The following EPM2A variants were observed in gnomAD, a reference collection of about 807,000 sequenced individuals.
EPM2A encodes laforin.
In EPM2A, 21 loss-of-function variants were observed where a neutral mutation model predicts 26.5. That is an observed-to-expected ratio of 0.79 (90% CI 0.56 to 1.14). The LOEUF (loss-of-function observed/expected upper bound fraction) is 1.14, where lower values mean the gene tolerates loss of function less well. Among genes scored for constraint, EPM2A ranks in the 50% most tolerant of loss-of-function variants. The pLI is 0.00. For missense variants in EPM2A, 458 were observed against 440.8 expected (o/e 1.04, Z -0.35); for synonymous variants, 217 against 177.6 (o/e 1.22, Z -1.76).
intron 2 of EPM2A, among the ~76,000 whole-genome samples, chr6:145,536,252 T>TGTTTTAGTTTTA (rs1370224517): frequency 3.3e-5 from 2 of 59,942 alleles, no homozygotes; most frequent in African/African-American, 1.0e-4. Flanking sequence ...GTTGGTTTTT[T>TGTTTTAGTTTTA]GTTTTTGTTT....
chr6:145,390,677 C>A (rs571668907), intron 4 of EPM2A, among the ~76,000 whole-genome samples: 1 of 152,146 alleles, frequency 6.6e-6, no homozygotes, highest in African/African-American at 2.4e-5. Context: ...CTCTATTGCT[C>A]TCTTGGCTTT....
At position 145,533,100 on chromosome 6, in the gene EPM2A, C is replaced by T. The variant is rs933048792; in HGVS notation, c.341-30525G>A. Among the ~76,000 whole-genome samples the T allele has an allele frequency of 7.2e-5, 11 of 152,206 alleles. No homozygotes were observed. In the South Asian group the frequency reaches 1.5e-3, roughly 20 times the overall value. ...CACAATTAACGATTTTTGCAAACCT[C>T]CCCCAACAAAACAAAACACAACAAA... On this transcript the variant is annotated intron_variant, in intron 2 of 3. Transcript: ENST00000450221.
chr6:145,712,288 T>G (rs1775377426), intron 1 of EPM2A, among the ~76,000 whole-genome samples: 1 of 152,082 alleles, frequency 6.6e-6, no homozygotes. Flanking sequence ...GCAGAAACAA[T>G]AGCTGGGTCA....
chr6:145,425,660 T>C (rs1441206039), intron 4 of EPM2A, among the ~76,000 whole-genome samples: 1 of 150,448 alleles, frequency 6.6e-6, no homozygotes, highest in East Asian at 2.0e-4. Flanking sequence ...AAAAACTATA[T>C]AAATCAAATA....
intron 2 of EPM2A, among the ~76,000 whole-genome samples, chr6:145,567,072 TCTC>T (rs1780893712): frequency 1.3e-5 from 2 of 152,086 alleles, no homozygotes; most frequent in Non-Finnish European, 2.9e-5. Flanking sequence ...TCCTATTGAG[TCTC>T]CCCAAAATCT....
intron 2 of EPM2A, among the ~76,000 whole-genome samples, chr6:145,588,678 G>A (rs925179642): frequency 6.6e-6 from 1 of 151,998 alleles, no homozygotes; most frequent in African/African-American, 2.4e-5. Flanking sequence ...AACTATTTTT[G>A]AGCACTTACT....
At chr6:145,433,827 A>G (rs1469219283) in intron 4 of EPM2A, among the ~76,000 whole-genome samples, 2 of 152,164 alleles carry the variant, frequency 1.3e-5, no homozygotes, top group African/African-American at 4.8e-5. Context: ...TTGTTGCTTT[A>G]AACAGTGAAT....
intron 4 of EPM2A, among the ~76,000 whole-genome samples, chr6:145,443,937 T>A (rs1175798470): frequency 6.6e-6 from 1 of 152,222 alleles, no homozygotes; most frequent in East Asian, 1.9e-4. Context: ...TATGCCATGA[T>A]TGTGAGGCCT....
At chr6:145,402,365 A>G (rs1435807495) in intron 4 of EPM2A, among the ~76,000 whole-genome samples, 1 of 152,174 alleles carries the variant, frequency 6.6e-6, no homozygotes, top group Non-Finnish European at 1.5e-5. Context: ...AGTACCCTTC[A>G]AAGGTGTGAA....
intron 2 of EPM2A, among the ~76,000 whole-genome samples, chr6:145,612,138 C>T (rs1173611370): frequency 6.6e-6 from 1 of 152,124 alleles, no homozygotes; most frequent in African/African-American, 2.4e-5. Context: ...CATTTTTTGA[C>T]ATTTATATTA....
chr6:145,666,667 A>C (rs1463684727), intron 2 of EPM2A, among the ~76,000 whole-genome samples: 24 of 123,464 alleles, frequency 1.9e-4, no homozygotes, highest in East Asian at 9.4e-4. Flanking sequence ...AAACTACTTT[A>C]AAGTTCATAT....
intron 1 of EPM2A, among the ~76,000 whole-genome samples, chr6:145,715,593 G>A (rs962581768): frequency 3.3e-5 from 5 of 152,136 alleles, no homozygotes; most frequent in Non-Finnish European, 7.4e-5. Flanking sequence ...GTAAGCAGGC[G>A]AGTGAGTGAG....
intron 1 of EPM2A, among the ~76,000 whole-genome samples, chr6:145,725,661 T>G (rs1322904899): frequency 6.6e-6 from 1 of 152,010 alleles, no homozygotes; most frequent in Admixed American, 6.6e-5. Flanking sequence ...CACAAGCCAG[T>G]CTGAAAAGGC....
intron 1 of EPM2A, among the ~76,000 whole-genome samples, chr6:145,697,293 G>C (rs1781651644): frequency 6.6e-6 from 1 of 152,096 alleles, no homozygotes; most frequent in Non-Finnish European, 1.5e-5. Flanking sequence ...TTTTCAAAAG[G>C]GGAGGGAGTG....
intron 2 of EPM2A, among the ~76,000 whole-genome samples, chr6:145,658,029 T>A (rs1034003922): frequency 6.6e-6 from 1 of 152,244 alleles, no homozygotes; most frequent in African/African-American, 2.4e-5. Context: ...GTACACTAGC[T>A]ATGTGTACCT....
chr6:145,473,550 C>A (rs548710500), intron 4 of EPM2A, among the ~76,000 whole-genome samples: 1 of 151,916 alleles, frequency 6.6e-6, no homozygotes, highest in East Asian at 1.9e-4. Flanking sequence ...TATCAATACC[C>A]AAGTACAAGA....
At chr6:145,506,079 T>C (rs111594265) in intron 2 of EPM2A, among the ~76,000 whole-genome samples, 8 of 152,190 alleles carry the variant, frequency 5.3e-5, no homozygotes, top group Non-Finnish European at 1.0e-4. Context: ...TACTTACAAT[T>C]GGTAATCTAC....
At chr6:145,635,191 C>G in intron 3 of EPM2A, 54 bp downstream of exon 3, 1 of 1,603,560 alleles carries the variant, frequency 6.2e-7, no homozygotes, top group Non-Finnish European at 8.5e-7. Context: ...GACAGACAGA[C>G]AGCAAGGGTT....
At chr6:145,469,072 C>T (rs1040528789) in intron 4 of EPM2A, among the ~76,000 whole-genome samples, 2 of 152,114 alleles carry the variant, frequency 1.3e-5, no homozygotes, top group African/African-American at 4.8e-5. Flanking sequence ...GTTTAATTGA[C>T]TGACAGTTTC....
Sources: gnomAD v4.1 joint callset for allele counts (sites outside exome capture counted in the v4.1 genomes callset) on GRCh38, gnomAD v4.1.1 for gene constraint, MANE v1.5 for transcripts, NCBI Gene and HGNC (gene_info 2026-07-23, HGNC 2026-07-21) for gene names.